VPS37A: variants seen among roughly 807,000 people sequenced by gnomAD.
The protein encoded by VPS37A is vacuolar protein sorting-associated protein 37A.
Under a neutral mutation model 49.8 loss-of-function variants are expected in VPS37A, and 30 were observed. The observed-to-expected ratio is 0.60, with a 90% CI of 0.45 to 0.82. The LOEUF is 0.82. VPS37A is among the 40% of genes least tolerant of loss of function. The pLI is 0.00. For synonymous variants in VPS37A, 195 were observed against 160.6 expected (o/e 1.21, Z -1.62); for missense variants, 593 against 464.4 (o/e 1.28, Z -2.55).
rs566258633 is a variant in VPS37A at position 17,260,235 on chromosome 8, C to T, written c.126-5672C>T. ...TTAGTGAATCTACTATAGGTTTTTG[C>T]ACTGTGGTTTTCATGAGGTTTACAA... On this transcript the variant is annotated intron_variant, in intron 1 of 11. Transcript: ENST00000324849. Among the ~76,000 whole-genome samples, 7 of 152,106 alleles carry T rather than the reference C, an allele frequency of 4.6e-5. No homozygotes were observed. In the East Asian group the frequency reaches 1.2e-3, roughly 25 times the overall value.
chr8:17,267,152 A>G (rs1563255092), intron 2 of VPS37A, among the ~76,000 whole-genome samples: 1 of 152,178 alleles, frequency 6.6e-6, no homozygotes, highest in Non-Finnish European at 1.5e-5. Context: ...CTGGGCTCCA[A>G]AGGCCATTTA....
At chr8:17,294,593 T>A (rs1213145956) in intron 11 of VPS37A, among the ~76,000 whole-genome samples, 5 of 152,172 alleles carry the variant, frequency 3.3e-5, no homozygotes, top group Non-Finnish European at 5.9e-5. Flanking sequence ...TGAGGGAATC[T>A]CCTGGTCTGT....
At chr8:17,276,226 A>C (rs1490443340) in intron 5 of VPS37A, among the ~76,000 whole-genome samples, 171 bp from the exon 6 acceptor site, 2 of 152,172 alleles carry the variant, frequency 1.3e-5, no homozygotes, top group Non-Finnish European at 2.9e-5. Context: ...CGCTGAAAAG[A>C]AGACAGACTG....
chr8:17,320,774 G>A, the VPS37A span, among the ~76,000 whole-genome samples: 9 of 152,274 alleles, frequency 5.9e-5, no homozygotes, highest in East Asian at 1.7e-3. Flanking sequence ...TTCTGCCTAT[G>A]CACGCGGCCC....
At chr8:17,301,385 G>T (rs750785658), downstream of VPS37A, among the ~76,000 whole-genome samples, 1 of 152,198 alleles carries the variant, frequency 6.6e-6, no homozygotes, top group Non-Finnish European at 1.5e-5. Context: ...GGACATTCTG[G>T]TGATAGCTAG....
At chr8:17,247,894 A>G (rs1007159366) in intron 1 of VPS37A, 2 of 641,988 alleles carry the variant, frequency 3.1e-6, no homozygotes, top group Non-Finnish European at 5.6e-6. Flanking sequence ...AGTCTCTAAG[A>G]TTTACCCTGT....
At chr8:17,300,310 C>T, downstream of VPS37A, 1 of 1,350,896 alleles carries the variant, frequency 7.4e-7, no homozygotes, top group Non-Finnish European at 1.0e-6. Context: ...TTTGTTACCT[C>T]CCACGTGGGT....
chr8:17,258,909 T>C (rs761551515), intron 1 of VPS37A, among the ~76,000 whole-genome samples: 1 of 152,116 alleles, frequency 6.6e-6, no homozygotes, highest in Non-Finnish European at 1.5e-5. Context: ...TAATTCATAG[T>C]GGTGCCTAAT....
the VPS37A span, among the ~76,000 whole-genome samples, chr8:17,322,038 C>A: frequency 1.3e-5 from 2 of 152,080 alleles, no homozygotes; most frequent in African/African-American, 4.8e-5. Context: ...TCCATTTGAA[C>A]CCTGTGGGGT....
the VPS37A span, chr8:17,309,235 C>G: frequency 7.8e-7 from 1 of 1,283,832 alleles, no homozygotes; most frequent in East Asian, 2.3e-5. Context: ...AGAAACAGTG[C>G]TTTTATTCTA....
At chr8:17,293,706 C>T (rs1395256473) in intron 11 of VPS37A, among the ~76,000 whole-genome samples, 1 of 152,066 alleles carries the variant, frequency 6.6e-6, no homozygotes, top group East Asian at 1.9e-4. Context: ...TCTAACAAGC[C>T]CCTCTTCTGC....
the VPS37A span, among the ~76,000 whole-genome samples, chr8:17,312,512 T>C: frequency 1.4e-5 from 2 of 143,342 alleles, no homozygotes; most frequent in South Asian, 4.3e-4. Flanking sequence ...GAGGCAGAGG[T>C]TGCAGCAAGC....
chr8:17,284,676 G>A, intron 10 of VPS37A, 60 bp downstream of exon 10: 9 of 1,519,902 alleles, frequency 5.9e-6, no homozygotes, highest in Non-Finnish European at 6.1e-6. Flanking sequence ...TTTTATAGAG[G>A]AGGAGAAGCA....
At chr8:17,316,189 T>C in the VPS37A span, among the ~76,000 whole-genome samples, 1 of 152,136 alleles carries the variant, frequency 6.6e-6, no homozygotes, top group East Asian at 1.9e-4. Flanking sequence ...AACTGTAAAA[T>C]GGTAATAATA....
At chr8:17,304,408 G>C (rs762522458), downstream of VPS37A, 12 of 1,613,910 alleles carry the variant, frequency 7.4e-6, no homozygotes, top group East Asian at 2.0e-4. Flanking sequence ...GTGTTGTAGG[G>C]AGATGAAGGG....
chr8:17,255,492 A>ATATG (rs1554487538), intron 1 of VPS37A, among the ~76,000 whole-genome samples: 10 of 150,990 alleles, frequency 6.6e-5, no homozygotes, highest in African/African-American at 2.4e-4. Context: ...AAATATATAT[A>ATATG]TGTGTGTGTG....
chr8:17,316,176 C>G, the VPS37A span, among the ~76,000 whole-genome samples: 3 of 152,168 alleles, frequency 2.0e-5, no homozygotes, highest in African/African-American at 7.2e-5. Flanking sequence ...CTTCAGTTTC[C>G]TCAACTGTAA....
intron 1 of VPS37A, among the ~76,000 whole-genome samples, chr8:17,261,924 T>G (rs1812997622): frequency 6.6e-6 from 1 of 152,228 alleles, no homozygotes; most frequent in African/African-American, 2.4e-5. Flanking sequence ...CCTTTGTCTC[T>G]GGCTGTCCTC....
In VPS37A at chr8:17,262,834, G is replaced by A. The variant is rs1056004013; in HGVS notation, c.126-3073G>A. Among the ~76,000 whole-genome samples the A allele has an allele frequency of 9.9e-5, 15 of 152,064 alleles. No homozygotes were observed. The East Asian group carries it at 1.4e-3, about 14-fold the overall frequency. On this transcript the variant is annotated intron_variant, in intron 1 of 11. Coordinates refer to ENST00000324849, the MANE Select transcript of VPS37A (RefSeq NM_152415.3). ...TCCTAGCACTTTGGGAGGCCGAGGCGGGCAGATCACGAGGTCAAGAGATTG... is the reference window on the plus strand; with the variant it reads ...TCCTAGCACTTTGGGAGGCCGAGGCAGGCAGATCACGAGGTCAAGAGATTG...
Sources: gnomAD v4.1 joint callset for allele counts (sites outside exome capture counted in the v4.1 genomes callset) on GRCh38, gnomAD v4.1.1 for gene constraint, MANE v1.5 for transcripts, NCBI Gene and HGNC (gene_info 2026-07-23, HGNC 2026-07-21) for gene names.